PCDH15: variants seen among roughly 807,000 people sequenced by gnomAD.
The protein encoded by PCDH15 is protocadherin related 15.
Under a neutral mutation model 178.5 loss-of-function variants are expected in PCDH15, and 129 were observed. That is an observed-to-expected ratio of 0.72 (90% CI 0.63 to 0.84). The LOEUF is 0.84. PCDH15 is among the 40% of genes least tolerant of loss of function. The probability of loss-of-function intolerance (pLI) is 0.00; values close to 1 mark genes in which losing one functional copy is unlikely to be tolerated. For synonymous variants in PCDH15, 800 were observed against 732.0 expected (o/e 1.09, Z -1.50); for missense variants, 2,230 against 2,099.9 (o/e 1.06, Z -1.21).
In PCDH15 at chr10:55,445,007, G is replaced by A. The variant is rs537519664; in HGVS notation, c.-156+182618C>T. Reference sequence around the variant, plus strand: ...TAGATTCAAATGCATAGAATTAAACGGAGAAAGAAGGGAGGTGAAGGAAAA... The same window carrying A: ...TAGATTCAAATGCATAGAATTAAACAGAGAAAGAAGGGAGGTGAAGGAAAA... On this transcript the variant is annotated intron_variant, in intron 2 of 5. Coordinates refer to the PCDH15 transcript ENST00000613346. Among the ~76,000 whole-genome samples, 21 of 151,854 alleles carry A rather than the reference G, an allele frequency of 1.4e-4. No homozygotes were observed. In the East Asian group the frequency reaches 1.5e-3, roughly 11 times the overall value.
At chr10:53,847,523 T>A (rs1004262328) in intron 28 of PCDH15, among the ~76,000 whole-genome samples, 2 of 152,074 alleles carry the variant, frequency 1.3e-5, no homozygotes, top group Non-Finnish European at 2.9e-5. Context: ...TTTTGTTCAT[T>A]ACATTACATG....
chr10:55,197,749 A>G (rs567540433), intron 1 of PCDH15, among the ~76,000 whole-genome samples: 53 of 152,244 alleles, frequency 3.5e-4, no homozygotes, highest in African/African-American at 1.3e-3. Flanking sequence ...ATCTTCTTGA[A>G]ATGATATATT....
intron 25 of PCDH15, among the ~76,000 whole-genome samples, chr10:53,908,131 AT>A (rs1358421336): frequency 6.6e-6 from 1 of 152,172 alleles, no homozygotes; most frequent in Non-Finnish European, 1.5e-5. Flanking sequence ...CTCTAGAGCC[AT>A]TTTTGGTAGT....
rs183397254 is a variant in PCDH15 at position 54,300,383 on chromosome 10, A to G, written c.876+16888T>C. On this transcript the variant is annotated intron_variant, in intron 8 of 37. Coordinates refer to ENST00000644397, the MANE Select transcript of PCDH15 (RefSeq NM_001384140.1). The stretch of plus-strand genomic sequence containing the variant: ...TGTCAAATTTGTTTCCTCTAGGATC[A>G]AGGCCATCAAGCTATAGATAGTCTT... 1.6e-3 allele frequency among the ~76,000 whole-genome samples: 239 copies of G among 152,300 alleles called. 1 individual carries two copies. The highest frequency in any genetic ancestry group is 3.5e-3 in the African/African-American group (144 of 41,566).
At chr10:54,145,243 T>C (rs1246359384) in intron 14 of PCDH15, among the ~76,000 whole-genome samples, 1 of 152,010 alleles carries the variant, frequency 6.6e-6, no homozygotes, top group African/African-American at 2.4e-5. Context: ...AATGAGATAA[T>C]GTTGCTAGCT....
intron 3 of PCDH15, among the ~76,000 whole-genome samples, chr10:54,396,701 C>G (rs1369000338): frequency 6.6e-6 from 1 of 152,058 alleles, no homozygotes; most frequent in Non-Finnish European, 1.5e-5. Context: ...AATGCAATAA[C>G]ATAAAGTAGA....
At chr10:54,141,839 G>T (rs2043439631) in intron 14 of PCDH15, among the ~76,000 whole-genome samples, 1 of 152,168 alleles carries the variant, frequency 6.6e-6, no homozygotes, top group Non-Finnish European at 1.5e-5. Flanking sequence ...TGTAAGTACT[G>T]TATCTAGAAG....
At chr10:54,655,418 TGTGTGGTGGG>T (rs1453624484) in intron 2 of PCDH15, 3 of 144,012 alleles carry the variant, frequency 2.1e-5, no homozygotes, top group African/African-American at 8.1e-5. Context: ...AAGGGGTGTG[TGTGTGGTGGG>T]GTGTGTGTGT....
At chr10:55,369,304 A>AT (rs1845441219) in intron 2 of PCDH15, among the ~76,000 whole-genome samples, 1 of 151,986 alleles carries the variant, frequency 6.6e-6, no homozygotes, top group African/African-American at 2.4e-5. Flanking sequence ...TTTCACCTCT[A>AT]TCAAGCACCT....
rs144020617 is a variant in PCDH15, at chr10:54,097,468, G to A, written c.1918-7405C>T. Among the ~76,000 whole-genome samples the A allele has an allele frequency of 9.2e-5, 14 of 152,156 alleles. No homozygotes were observed. The East Asian group carries it at 2.7e-3, about 29-fold the overall frequency. On this transcript the variant is annotated intron_variant, in intron 15 of 37. Coordinates refer to ENST00000644397, the MANE Select transcript of PCDH15 (RefSeq NM_001384140.1). ...TTTGCTGTAAGGTCACTTTCTTTGT[G>A]AAATAATCACTATCAAATTGTATTT...
At chr10:54,797,542 A>G (rs1003915017) in intron 1 of PCDH15, among the ~76,000 whole-genome samples, 1 of 137,652 alleles carries the variant, frequency 7.3e-6, no homozygotes, top group African/African-American at 2.7e-5. Flanking sequence ...ACACACACAC[A>G]CACACACACG....
At chr10:53,926,822 T>G (rs536651375) in intron 25 of PCDH15, among the ~76,000 whole-genome samples, 1 of 147,650 alleles carries the variant, frequency 6.8e-6, no homozygotes, top group South Asian at 2.1e-4. Context: ...GTATATCAAT[T>G]AGTCATGTAC....
At chr10:55,084,997 C>T (rs1172753141) in intron 2 of PCDH15, among the ~76,000 whole-genome samples, 1 of 151,860 alleles carries the variant, frequency 6.6e-6, no homozygotes, top group Admixed American at 6.6e-5. Flanking sequence ...TTAGTACAGC[C>T]ATTACAGAGA....
At chr10:54,889,018 C>G (rs1954412614) in intron 3 of PCDH15, among the ~76,000 whole-genome samples, 1 of 151,666 alleles carries the variant, frequency 6.6e-6, no homozygotes, top group African/African-American at 2.4e-5. Flanking sequence ...TTAATGATGT[C>G]TCCACTAGGC....
At chr10:54,457,935 A>G (rs147299273) in intron 3 of PCDH15, among the ~76,000 whole-genome samples, 4 of 152,282 alleles carry the variant, frequency 2.6e-5, no homozygotes, top group Non-Finnish European at 4.4e-5. Flanking sequence ...TGGGCTGTAT[A>G]TGGGATGTTG....
chr10:54,753,346 C>G (rs776797559), intron 1 of PCDH15, among the ~76,000 whole-genome samples: 90 of 152,106 alleles, frequency 5.9e-4, no homozygotes, highest in Middle Eastern at 3.4e-3. Context: ...CCATGCCCAG[C>G]TAACTTTTTG....
At chr10:54,485,589 A>T (rs2079044370) in intron 3 of PCDH15, among the ~76,000 whole-genome samples, 1 of 152,000 alleles carries the variant, frequency 6.6e-6, no homozygotes, top group Admixed American at 6.6e-5. Context: ...ATGAAGCTAG[A>T]TATTAGCCAG....
intron 1 of PCDH15, among the ~76,000 whole-genome samples, chr10:55,263,500 A>T (rs1309587262): frequency 6.6e-6 from 1 of 151,906 alleles, no homozygotes; most frequent in African/African-American, 2.4e-5. Flanking sequence ...CTTGTGCACA[A>T]CTTGCAAAGC....
intron 2 of PCDH15, among the ~76,000 whole-genome samples, chr10:54,609,525 T>A (rs1311982878): frequency 2.6e-5 from 4 of 152,048 alleles, no homozygotes; most frequent in Non-Finnish European, 5.9e-5. Context: ...TAGCTTGCAA[T>A]CTATGGTGCT....
Sources: allele counts gnomAD v4.1 joint callset (sites outside exome capture counted in the v4.1 genomes callset), GRCh38; gene constraint gnomAD v4.1.1; transcripts MANE v1.5; gene names NCBI Gene and HGNC (gene_info 2026-07-23, HGNC 2026-07-21).